Variants in GGT7 observed in about 807,000 individuals in gnomAD.
GGT7 encodes gamma-glutamyltransferase 7, also known as glutathione hydrolase 7.
A neutral mutation model predicts 69.2 loss-of-function variants in GGT7; 30 were observed. That is an observed-to-expected ratio of 0.43 (90% confidence interval 0.32 to 0.59). The LOEUF (loss-of-function observed/expected upper bound fraction) is 0.59, where lower values mean the gene tolerates loss of function less well. GGT7 is among the 20% of genes least tolerant of loss of function. The pLI is 0.05. For missense variants in GGT7, 733 were observed against 901.1 expected (o/e 0.81, Z 2.39); for synonymous variants, 388 against 391.8 (o/e 0.99, Z 0.12).
intron 4 of GGT7, among the ~76,000 whole-genome samples, chr20:34,860,637 CTTT>C (rs533561120): frequency 8.8e-6 from 1 of 113,872 alleles, no homozygotes. Flanking sequence ...CAACCCCTGC[CTTT>C]TTTTTTTTTT....
chr20:34,852,909 T>C, intron 10 of GGT7, among the ~76,000 whole-genome samples: 1 of 152,244 alleles, frequency 6.6e-6, no homozygotes, highest in South Asian at 2.1e-4. Context: ...TCTAAAGTTT[T>C]ATTAAGAGTT....
rs757027361 is a variant in GGT7, at chr20:34,845,494, G to A, written c.1826-3C>T. On this transcript the variant is annotated splice_polypyrimidine_tract_variant and splice_region_variant and intron_variant, in intron 14 of 14. Coordinates refer to ENST00000336431, the MANE Select transcript of GGT7 (RefSeq NM_178026.3). ...AATCTCTTCCTCTGTGAACTCACCT[G>A]AAAACCATCCCCGACATATACACAT... 1 of 1,613,330 alleles carries A rather than the reference G, an allele frequency of 6.2e-7. No individual in the cohort carries two copies. The highest frequency in any genetic ancestry group is 1.3e-5 in the African/African-American group (1 of 75,010).
In GGT7 at chr20:34,845,143, C is replaced by A; in HGVS notation, c.*185G>T. 1 of 533,244 alleles carries A rather than the reference C, an allele frequency of 1.9e-6. No individual in the cohort carries two copies. Among genetic ancestry groups the A allele is most frequent in the South Asian group, 2.1e-5 (1 of 47,794 alleles). 33.0% of individuals were successfully genotyped at this position (533,244 alleles called of 1,614,324 possible). On this transcript the variant is annotated 3_prime_UTR_variant, in exon 15 of 15. Transcript: ENST00000336431. ...CCACCACCACCACCACCACCACCACCACCACCACCACAGGCCTCCTGATGG... is the reference window on the plus strand; with the variant it reads ...CCACCACCACCACCACCACCACCACAACCACCACCACAGGCCTCCTGATGG...
Position 34,845,137 on chromosome 20 carries a change from CA to C in GGT7, c.*190del. On this transcript the variant is annotated 3_prime_UTR_variant, in exon 15 of 15. Transcript: ENST00000336431. ...TCACCACCACCACCACCACCACCACCACCACCACCACCACCACAGGCCTCCT... is the reference window on the plus strand; with the variant it reads ...TCACCACCACCACCACCACCACCACCCCACCACCACCACCACAGGCCTCCT... The C allele has an allele frequency of 1.0e-5, 5 of 497,900 alleles. No homozygotes were observed. The highest frequency in any genetic ancestry group is 2.1e-5 in the South Asian group (1 of 46,686). 30.8% of individuals were successfully genotyped at this position (497,900 alleles called of 1,614,324 possible). A position where few individuals can be genotyped will look rare whatever the true frequency, so the allele number is the denominator to read the frequency against.
At position 34,872,783 on chromosome 20, in the gene GGT7, G is replaced by A. The variant is rs2079802470; in HGVS notation, c.33C>T (p.Ser11=). The A allele has an allele frequency of 3.6e-6, 5 of 1,396,946 alleles. No individual in the cohort carries two copies. In the South Asian group the frequency reaches 6.4e-5, roughly 18 times the overall value. 86.5% of individuals were successfully genotyped at this position (1,396,946 alleles called of 1,614,324 possible). A position where few individuals can be genotyped will look rare whatever the true frequency, so the allele number is the denominator to read the frequency against. The change falls in exon 1 of 15, where the codon AGC becomes AGT. Residue 11 remains serine, a synonymous_variant. Coordinates refer to ENST00000336431, the MANE Select transcript of GGT7 (RefSeq NM_178026.3). The part of the protein sequence containing the change: MAAENEASQE[S]ALGAYSPVDY... ...CCACTGGCGAGTAGGCGCCCAGGGC[G>A]CTCTCCTGGCTGGCCTCGTTCTCCG...
At position 34,852,212 on chromosome 20, in the gene GGT7, G is replaced by A; in HGVS notation, c.1530C>T (p.Ser510=). 1.2e-6 allele frequency: 2 copies of A among 1,614,044 alleles called. No individual in the cohort carries two copies. The highest frequency in any genetic ancestry group is 1.7e-6 in the Non-Finnish European group (2 of 1,179,872). ...TGGGCCAGGAGAAGTCCAGCATCTG[G>A]CTGTTGAGCAGGATCCCCGAGGGGG... ...LITPSGILLN[S]QMLDFSWPNR... Residue 510 remains serine (S), a synonymous_variant, in exon 12 of 15, where the codon AGC becomes AGT. Transcript: ENST00000336431.
At chr20:34,860,443 T>C in intron 4 of GGT7, 122 bp from the exon 5 acceptor site, 3 of 752,262 alleles carry the variant, frequency 4.0e-6, no homozygotes, top group Non-Finnish European at 7.0e-6. Flanking sequence ...ACAGGCCAAG[T>C]ATCCCAGGGG....
At chr20:34,864,205 G>A (rs2079651454) in intron 1 of GGT7, among the ~76,000 whole-genome samples, 1 of 152,174 alleles carries the variant, frequency 6.6e-6, no homozygotes, top group Admixed American at 6.5e-5. Flanking sequence ...ATCAGGGAAG[G>A]CCTCTCAGGA....
intron 14 of GGT7, among the ~76,000 whole-genome samples, chr20:34,848,496 C>CTCTGTGCTGGT (rs2079334541): frequency 1.3e-5 from 2 of 152,338 alleles, no homozygotes; most frequent in South Asian, 4.1e-4. Context: ...TAGCACAGAG[C>CTCTGTGCTGGT]CTCACATTCA....
In GGT7 at chr20:34,851,382, A is replaced by T. The variant is rs1303942251; in HGVS notation, c.1588-14T>A. ...CACTGAATTCTCCTGTTGTTAGAGG[A>T]CAGAGACCACAAGGGGCAGGTGGGG... On this transcript the variant is annotated splice_polypyrimidine_tract_variant and intron_variant, in intron 12 of 14. Coordinates refer to ENST00000336431, the MANE Select transcript of GGT7 (RefSeq NM_178026.3). 4.4e-6 allele frequency: 7 copies of T among 1,604,954 alleles called. No homozygotes were observed. Among genetic ancestry groups the T allele is most frequent in the Non-Finnish European group, 5.1e-6 (6 of 1,175,088 alleles).
chr20:34,859,303 A>G, intron 7 of GGT7, 140 bp downstream of exon 7: 1 of 596,692 alleles, frequency 1.7e-6, no homozygotes, highest in Non-Finnish European at 2.7e-6. Context: ...CTATTCTAGA[A>G]TTTCAAATGA....
intron 12 of GGT7, 115 bp from the exon 13 acceptor site, chr20:34,851,483 G>GGAAAAC: frequency 9.4e-7 from 1 of 1,059,134 alleles, no homozygotes; most frequent in Non-Finnish European, 1.4e-6. Context: ...CACAGGCCCA[G>GGAAAAC]TTTTCCTGGG....
intron 10 of GGT7, among the ~76,000 whole-genome samples, chr20:34,852,770 T>C (rs2079419604): frequency 6.6e-6 from 1 of 152,256 alleles, no homozygotes; most frequent in Non-Finnish European, 1.5e-5. Flanking sequence ...TTTTATTTAA[T>C]GTTTAAATCA....
intron 8 of GGT7, among the ~76,000 whole-genome samples, chr20:34,856,523 A>G (rs1006393815): frequency 6.6e-6 from 1 of 152,202 alleles, no homozygotes; most frequent in Non-Finnish European, 1.5e-5. Flanking sequence ...GGCAACACAG[A>G]GCCCAAATCA....
At chr20:34,853,835 A>T (rs1810620842) in intron 10 of GGT7, among the ~76,000 whole-genome samples, 1 of 152,214 alleles carries the variant, frequency 6.6e-6, no homozygotes, top group Non-Finnish European at 1.5e-5. Context: ...GTCAAGCTGG[A>T]ATTTGAATGA....
chr20:34,863,065 G>T lies in GGT7; in HGVS notation c.406-100C>A. ...AACTCTACGCGGCATGAAGGTCGAA[G>T]CCCTGCCCCCTTGTTGCCTTGACTC... On this transcript the variant is annotated intron_variant, in intron 2 of 14. Coordinates refer to ENST00000336431, the MANE Select transcript of GGT7 (RefSeq NM_178026.3). This position sits in a 1 kb window ranked among gnomAD's most constrained non-coding sequence, Gnocchi z 4.4. 1 of 1,206,116 alleles carries T rather than the reference G, an allele frequency of 8.3e-7. No homozygotes were observed. Among genetic ancestry groups the T allele is most frequent in the Non-Finnish European group, 1.2e-6 (1 of 857,608 alleles). 74.7% of individuals were successfully genotyped at this position (1,206,116 alleles called of 1,614,324 possible). A position where few individuals can be genotyped will look rare whatever the true frequency, so the allele number is the denominator to read the frequency against.
chr20:34,861,417 A>T, intron 4 of GGT7, 28 bp downstream of exon 4: 2 of 1,172,188 alleles, frequency 1.7e-6, no homozygotes, highest in Middle Eastern at 4.0e-4. Flanking sequence ...GACTCCCCTG[A>T]ACTCTCTCTT....
Position 34,859,596 on chromosome 20 carries a change from G to A in GGT7, c.861C>T (p.Arg287=). Residue 287 remains arginine, a synonymous_variant, in exon 7 of 15, where the codon CGC becomes CGT. Coordinates refer to ENST00000336431, the MANE Select transcript of GGT7 (RefSeq NM_178026.3). ...AEQLPPNMSE[R]FRETFLPSGR... is the part of the protein sequence containing the mutation. ...CCGATGGCAGGAACGTCTCCCGGAA[G>A]CGCTCGGACATGTTGGGTGGCAGCT... 6.2e-7 allele frequency: 1 copy of A among 1,602,920 alleles called. No individual in the cohort carries two copies. Among genetic ancestry groups the A allele is most frequent in the South Asian group, 1.1e-5 (1 of 89,442 alleles).
At chr20:34,850,119 C>A in intron 13 of GGT7, 59 bp from the exon 14 acceptor site, 1 of 1,143,608 alleles carries the variant, frequency 8.7e-7, no homozygotes, top group South Asian at 1.2e-5. Context: ...GTCCAGGATT[C>A]CTCAGCTCTC....
Sources: allele counts gnomAD v4.1 joint callset (sites outside exome capture counted in the v4.1 genomes callset), GRCh38; gene constraint gnomAD v4.1.1; non-coding constraint Gnocchi (gnomAD v3.1); transcripts MANE v1.5; gene names NCBI Gene and HGNC (gene_info 2026-07-23, HGNC 2026-07-21).